HERPUD2: variants seen among roughly 807,000 people sequenced by gnomAD.
The protein encoded by HERPUD2 is HERPUD family member 2.
HERPUD2 carries 13 observed loss-of-function variants against 49.9 expected under a neutral mutation model. The observed-to-expected ratio is 0.26, with a 90% confidence interval of 0.17 to 0.41. HERPUD2 has a LOEUF of 0.41. HERPUD2 is among the 10% of genes least tolerant of loss of function. The pLI is 1.00. For synonymous variants in HERPUD2, 172 were observed against 171.4 expected, an observed-to-expected ratio of 1.00 and a Z score of -0.03; for missense variants, 449 against 492.2, an observed-to-expected ratio of 0.91 and a Z score of 0.83.
In HERPUD2 at chr7:35,670,202, CA is replaced by C; in HGVS notation, c.339+12del. 2 of 1,399,558 alleles carry C rather than the reference CA, an allele frequency of 1.4e-6. No individual in the cohort carries two copies. Among genetic ancestry groups the C allele is most frequent in the Non-Finnish European group, 9.8e-7 (1 of 1,015,320 alleles). 86.7% of individuals were successfully genotyped at this position (1,399,558 alleles called of 1,614,324 possible). On this transcript the variant is annotated intron_variant, in intron 4 of 8. Coordinates refer to ENST00000311350, the MANE Select transcript of HERPUD2 (RefSeq NM_022373.5). ...AGAAAAGTTCAATGTTTACTCCTCC[CA>C]AAACAACTCACAGAATTGCTGCTGG...
At chr7:35,674,548 T>C (rs542264271) in intron 2 of HERPUD2, among the ~76,000 whole-genome samples, 1 of 151,350 alleles carries the variant, frequency 6.6e-6, no homozygotes, top group African/African-American at 2.4e-5. Context: ...ATCCTTGGAA[T>C]CTTCAGAAAG....
chr7:35,650,202 G>C (rs1395592658), intron 5 of HERPUD2, among the ~76,000 whole-genome samples: 1 of 152,164 alleles, frequency 6.6e-6, no homozygotes, highest in Non-Finnish European at 1.5e-5. Context: ...AAGGGAGAAT[G>C]CTGGAATTCA....
intron 2 of HERPUD2, among the ~76,000 whole-genome samples, chr7:35,675,729 C>A (rs1243833180): frequency 6.6e-6 from 1 of 152,252 alleles, no homozygotes; most frequent in Middle Eastern, 3.4e-3. Flanking sequence ...TCCCTCATTT[C>A]TTTTCTTCAA....
chr7:35,633,490 T>TAA lies in HERPUD2; in HGVS notation c.*199_*200insTT. ...GTTACGCTATGTTCTGTTAGGATCT[T>TAA]TAAAAAAAAAAAAAAAAAACTCAGA... On this transcript the variant is annotated 3_prime_UTR_variant, in exon 9 of 9. Coordinates refer to ENST00000311350, the MANE Select transcript of HERPUD2 (RefSeq NM_022373.5). 1.4e-4 allele frequency: 55 copies of TAA among 405,296 alleles called. No homozygotes were observed. The highest frequency in any genetic ancestry group is 1.7e-4 in the East Asian group (4 of 22,930). 25.1% of individuals were successfully genotyped at this position (405,296 alleles called of 1,614,324 possible).
intron 5 of HERPUD2, among the ~76,000 whole-genome samples, chr7:35,659,562 T>A (rs1785364483): frequency 1.3e-5 from 2 of 152,178 alleles, no homozygotes; most frequent in African/African-American, 4.8e-5. Context: ...ATAGAAATCC[T>A]GTAAGAGTTC....
chr7:35,661,411 A>G (rs1453321772), intron 5 of HERPUD2, among the ~76,000 whole-genome samples: 1 of 152,166 alleles, frequency 6.6e-6, no homozygotes, highest in African/African-American at 2.4e-5. Context: ...TTCTGTGAAG[A>G]AAGTCATTGG....
At chr7:35,683,684 A>G (rs994246160) in intron 2 of HERPUD2, among the ~76,000 whole-genome samples, 4 of 152,246 alleles carry the variant, frequency 2.6e-5, no homozygotes, top group African/African-American at 2.4e-5. Context: ...AAGGACTAAT[A>G]TCCGGTATCT....
chr7:35,640,098 G>A (rs1784944246), intron 5 of HERPUD2, among the ~76,000 whole-genome samples: 1 of 152,190 alleles, frequency 6.6e-6, no homozygotes, highest in African/African-American at 2.4e-5. Flanking sequence ...ACTCTGGAGA[G>A]AAAGCCATAC....
Position 35,667,494 on chromosome 7 carries a change from G to C in HERPUD2, c.434C>G (p.Thr145Ser). Residue 145 changes from threonine (T) to serine (S), a missense_variant, in exon 5 of 9, where the codon ACC (threonine) becomes AGC (serine). Transcript: ENST00000311350. ...TTGGTCAGTTTGTGCTTGTGGAAGG[G>C]TACGCTGCCTCAATCCTTCTGAGGA... ...GSSSEGLRQR[T>S]LPQAQTDQAQ... 2 of 1,613,966 alleles carry C rather than the reference G, an allele frequency of 1.2e-6. No individual in the cohort carries two copies. The highest frequency in any genetic ancestry group is 2.7e-5 in the African/African-American group (2 of 75,002).
chr7:35,669,302 T>A (rs1683852262), intron 4 of HERPUD2, among the ~76,000 whole-genome samples: 1 of 152,178 alleles, frequency 6.6e-6, no homozygotes, highest in Admixed American at 6.5e-5. Flanking sequence ...GAATACAAAT[T>A]AAATACAGCA....
chr7:35,638,502 A>C, intron 5 of HERPUD2, 30 bp from the exon 6 acceptor site: 1 of 1,601,226 alleles, frequency 6.2e-7, no homozygotes. Context: ...AGCTCTTTTA[A>C]TGCTCTAGCA....
At chr7:35,639,128 A>C (rs1784924502) in intron 5 of HERPUD2, among the ~76,000 whole-genome samples, 1 of 151,724 alleles carries the variant, frequency 6.6e-6, no homozygotes, top group Non-Finnish European at 1.5e-5. Flanking sequence ...TCCTGGATTC[A>C]AGCAATTCTC....
In HERPUD2 at chr7:35,633,849, C is replaced by T; in HGVS notation, c.1062G>A (p.Glu354=). The T allele has an allele frequency of 2.5e-6, 4 of 1,612,320 alleles. No homozygotes were observed. The highest frequency in any genetic ancestry group is 3.4e-6 in the Non-Finnish European group (4 of 1,179,376). ...CTTCAAGCCCATCATCCATAAGACG[C>T]TCCTTTCAAGCAAAACAAGAAAGAT... ...NANNLELEEM[E]RLMDDGLEDE... Residue 354 remains glutamate (E), a splice_region_variant and synonymous_variant, in exon 9 of 9, where the codon GAG becomes GAA. Transcript: ENST00000311350.
intron 5 of HERPUD2, among the ~76,000 whole-genome samples, chr7:35,664,075 G>C (rs1034901368): frequency 1.3e-5 from 2 of 152,154 alleles, no homozygotes; most frequent in Admixed American, 1.3e-4. Context: ...AGGAGCTCTT[G>C]TAAGGCAGGC....
chr7:35,679,087 C>T (rs1785825004), intron 2 of HERPUD2, among the ~76,000 whole-genome samples: 1 of 152,114 alleles, frequency 6.6e-6, no homozygotes, highest in Non-Finnish European at 1.5e-5. Flanking sequence ...GCTTGGAAAA[C>T]TTTGCAATGC....
At chr7:35,669,560 A>G (rs1583559463) in intron 4 of HERPUD2, among the ~76,000 whole-genome samples, 1 of 152,192 alleles carries the variant, frequency 6.6e-6, no homozygotes, top group East Asian at 1.9e-4. Context: ...AAATAACATA[A>G]AAGGATTGGG....
chr7:35,693,230 G>A (rs1786231093), intron 2 of HERPUD2, among the ~76,000 whole-genome samples: 1 of 152,170 alleles, frequency 6.6e-6, no homozygotes, highest in South Asian at 2.1e-4. Context: ...ATGGAACACA[G>A]AATGGAAAAG....
At chr7:35,675,502 T>C (rs1016178222) in intron 2 of HERPUD2, among the ~76,000 whole-genome samples, 1 of 152,172 alleles carries the variant, frequency 6.6e-6, no homozygotes, top group Non-Finnish European at 1.5e-5. Context: ...TATCACTTTT[T>C]TACCAGACCA....
At chr7:35,668,786 G>C (rs1785590499) in intron 4 of HERPUD2, among the ~76,000 whole-genome samples, 1 of 152,048 alleles carries the variant, frequency 6.6e-6, no homozygotes, top group Non-Finnish European at 1.5e-5. Flanking sequence ...CATTAAATGG[G>C]CCATCATAAT....
Sources: gnomAD v4.1 joint callset for allele counts (sites outside exome capture counted in the v4.1 genomes callset) on GRCh38, gnomAD v4.1.1 for gene constraint, MANE v1.5 for transcripts, NCBI Gene and HGNC (gene_info 2026-07-23, HGNC 2026-07-21) for gene names.